SNTG1: variants seen among roughly 807,000 people sequenced by gnomAD.
SNTG1 encodes gamma-1-syntrophin.
A neutral mutation model predicts 74.7 loss-of-function variants in SNTG1; 39 were observed. The ratio of observed to expected loss-of-function variants is 0.52; its 90% CI spans 0.40 to 0.68. The LOEUF is 0.68. Among genes scored for constraint, SNTG1 ranks in the 30% least tolerant of loss-of-function variants. The pLI is 0.00. For synonymous variants in SNTG1, 254 were observed against 217.1 expected (o/e 1.17, Z -1.49); for missense variants, 685 against 609.5 (o/e 1.12, Z -1.30).
intron 12 of SNTG1, among the ~76,000 whole-genome samples, chr8:50,586,678 CAT>C (rs1420909983): frequency 7.0e-6 from 1 of 143,432 alleles, no homozygotes; most frequent in Non-Finnish European, 1.5e-5. Context: ...CACACACACA[CAT>C]TACTGAGGAC....
chr8:50,492,414 T>A (rs959592054), intron 8 of SNTG1, among the ~76,000 whole-genome samples: 5 of 152,212 alleles, frequency 3.3e-5, no homozygotes, highest in Non-Finnish European at 5.9e-5. Flanking sequence ...GTTTCCTGAA[T>A]TTTTTAGTGA....
At chr8:50,144,999 C>G (rs1586464177) in intron 1 of SNTG1, among the ~76,000 whole-genome samples, 1 of 152,108 alleles carries the variant, frequency 6.6e-6, no homozygotes, top group East Asian at 1.9e-4. Flanking sequence ...TGACAGAAAA[C>G]AATGACAAAA....
chr8:50,369,256 T>C (rs2092206657), intron 2 of SNTG1, among the ~76,000 whole-genome samples: 1 of 152,190 alleles, frequency 6.6e-6, no homozygotes, highest in East Asian at 1.9e-4. Flanking sequence ...AGTGAAATGA[T>C]GCCATAAGAA....
chr8:50,659,840 A>T (rs1054592523), intron 15 of SNTG1, among the ~76,000 whole-genome samples: 3 of 152,114 alleles, frequency 2.0e-5, no homozygotes, highest in Non-Finnish European at 1.5e-5. Context: ...GGCTAATGAG[A>T]TAGCTTTCTT....
intron 1 of SNTG1, among the ~76,000 whole-genome samples, chr8:50,141,617 G>A (rs887323138): frequency 6.6e-6 from 1 of 152,052 alleles, no homozygotes; most frequent in Admixed American, 6.6e-5. Context: ...AAACACATTA[G>A]TTACTATGTG....
At chr8:50,155,892 G>C (rs2082238410) in intron 1 of SNTG1, among the ~76,000 whole-genome samples, 1 of 151,500 alleles carries the variant, frequency 6.6e-6, no homozygotes, top group African/African-American at 2.4e-5. Context: ...TCTCTAGTTA[G>C]AATTGTAAAA....
At chr8:50,008,608 A>G (rs1815475575) in intron 1 of SNTG1, among the ~76,000 whole-genome samples, 1 of 152,184 alleles carries the variant, frequency 6.6e-6, no homozygotes, top group Non-Finnish European at 1.5e-5. Context: ...GGATAGACAA[A>G]TGGATGGATA....
intron 1 of SNTG1, among the ~76,000 whole-genome samples, chr8:50,122,188 G>A (rs1376498382): frequency 7.0e-6 from 1 of 141,968 alleles, no homozygotes; most frequent in Non-Finnish European, 1.6e-5. Flanking sequence ...GCCTCTGTAG[G>A]CCACGCTGCC....
In SNTG1 at chr8:50,145,948, C is replaced by T. The variant is rs183009396; in HGVS notation, c.-102-26613C>T. Among the ~76,000 whole-genome samples the T allele has an allele frequency of 1.8e-3, 264 of 146,858 alleles. 2 individuals carry two copies. The highest frequency in any genetic ancestry group is 6.4e-3 in the African/African-American group (247 of 38,660). On this transcript the variant is annotated intron_variant, in intron 1 of 18. Coordinates refer to ENST00000642720, the MANE Select transcript of SNTG1 (RefSeq NM_018967.5). ...TTGAACTATCTTTGTATCATGTACC[C>T]TAGAACTTAAAGTATAATAATAATA...
At chr8:50,102,005 G>A (rs1183045411) in intron 1 of SNTG1, among the ~76,000 whole-genome samples, 1 of 152,122 alleles carries the variant, frequency 6.6e-6, no homozygotes, top group East Asian at 1.9e-4. Flanking sequence ...TGTGAATAGT[G>A]CCGCAATAAA....
At chr8:50,212,179 T>C (rs1262648442) in intron 2 of SNTG1, among the ~76,000 whole-genome samples, 1 of 152,214 alleles carries the variant, frequency 6.6e-6, no homozygotes, top group Non-Finnish European at 1.5e-5. Flanking sequence ...GTACAGTATC[T>C]GTTTTAACTT....
intron 1 of SNTG1, among the ~76,000 whole-genome samples, chr8:50,029,299 G>A (rs1265968528): frequency 6.6e-6 from 1 of 152,048 alleles, no homozygotes; most frequent in Non-Finnish European, 1.5e-5. Flanking sequence ...AATAATCACA[G>A]TGGAGTATCC....
At chr8:50,181,931 A>G (rs1164681546) in intron 2 of SNTG1, among the ~76,000 whole-genome samples, 2 of 152,226 alleles carry the variant, frequency 1.3e-5, no homozygotes, top group African/African-American at 4.8e-5. Flanking sequence ...TTGACCAAGC[A>G]AAGAAACAGT....
intron 2 of SNTG1, among the ~76,000 whole-genome samples, chr8:50,369,326 G>T (rs898968232): frequency 6.6e-6 from 1 of 152,212 alleles, no homozygotes; most frequent in African/African-American, 2.4e-5. Flanking sequence ...GCTGGGCACG[G>T]TGGCTAACGC....
Position 50,298,478 on chromosome 8 carries a change from G to A in SNTG1, c.-27-95734G>A, listed in dbSNP as rs1021763134. ...TTTCTTCACCCCCTGCCCATGCAAT[G>A]TACAGCTAGTTATGTTGGAAAAATT... On this transcript the variant is annotated intron_variant, in intron 2 of 18. Coordinates refer to ENST00000642720, the MANE Select transcript of SNTG1 (RefSeq NM_018967.5). 3.3e-5 allele frequency among the ~76,000 whole-genome samples: 5 copies of A among 152,106 alleles called. No individual in the cohort carries two copies. In the South Asian group the frequency reaches 8.3e-4, roughly 25 times the overall value.
chr8:50,646,016 TA>T (rs964346100), intron 13 of SNTG1, among the ~76,000 whole-genome samples: 1 of 152,106 alleles, frequency 6.6e-6, no homozygotes, highest in African/African-American at 2.4e-5. Context: ...TTGTACTCGT[TA>T]AAAAAAGAAT....
intron 1 of SNTG1, among the ~76,000 whole-genome samples, chr8:50,129,056 C>T (rs775108532): frequency 6.6e-6 from 1 of 151,960 alleles, no homozygotes; most frequent in African/African-American, 2.4e-5. Flanking sequence ...TGATGACAGA[C>T]AACTGTATTC....
At chr8:50,088,289 G>C (rs1202992474) in intron 1 of SNTG1, among the ~76,000 whole-genome samples, 4 of 148,372 alleles carry the variant, frequency 2.7e-5, no homozygotes, top group South Asian at 2.2e-4. Context: ...CAAACCCACA[G>C]CCAATATCAT....
At chr8:50,099,406 T>C (rs2080042945) in intron 1 of SNTG1, among the ~76,000 whole-genome samples, 1 of 152,110 alleles carries the variant, frequency 6.6e-6, no homozygotes, top group African/African-American at 2.4e-5. Flanking sequence ...ATCTTCAAAA[T>C]TGACATATTC....
Sources: gnomAD v4.1 joint callset for allele counts (sites outside exome capture counted in the v4.1 genomes callset) on GRCh38, gnomAD v4.1.1 for gene constraint, MANE v1.5 for transcripts, NCBI Gene and HGNC (gene_info 2026-07-23, HGNC 2026-07-21) for gene names.